NBEAL2: variants seen among roughly 807,000 people sequenced by gnomAD.
The protein encoded by NBEAL2 is neurobeachin-like protein 2.
In NBEAL2, 160 loss-of-function variants were observed where a neutral mutation model predicts 299.8. The ratio of observed to expected loss-of-function variants is 0.53; its 90% confidence interval spans 0.47 to 0.61. NBEAL2 has a LOEUF of 0.61. Ranked by LOEUF, NBEAL2 falls within the 20% of genes least tolerant of loss-of-function variation. The probability of loss-of-function intolerance (pLI) is 0.00; values close to 1 mark genes in which losing one functional copy is unlikely to be tolerated. For missense variants in NBEAL2, 3,112 were observed against 3,649.0 expected (o/e 0.85, Z 3.79); for synonymous variants, 1,493 against 1,542.3 (o/e 0.97, Z 0.75).
rs1407717600 is a variant in NBEAL2 at position 47,004,041 on chromosome 3, G to A, written c.5882-36G>A. Reference sequence around the variant, plus strand: ...TGGCTGAGCTCTGGGTGGGGCTGGGGTGAGTGACTCCCGTACCTGCTGTTC... The same window carrying A: ...TGGCTGAGCTCTGGGTGGGGCTGGGATGAGTGACTCCCGTACCTGCTGTTC... On this transcript the variant is annotated intron_variant, in intron 36 of 53. Coordinates refer to ENST00000450053, the MANE Select transcript of NBEAL2 (RefSeq NM_015175.3). The surrounding 1 kb of genome is among the most constrained non-coding windows in gnomAD (Gnocchi z 5.0). The A allele has an allele frequency of 6.2e-7, 1 of 1,605,978 alleles. No individual in the cohort carries two copies. Among genetic ancestry groups the A allele is most frequent in the African/African-American group, 1.3e-5 (1 of 74,784 alleles).
rs2037259024 is a variant in NBEAL2, at chr3:47,004,328, C to T, written c.6133C>T (p.Pro2045Ser). The T allele has an allele frequency of 6.2e-7, 1 of 1,610,558 alleles. No homozygotes were observed. Among genetic ancestry groups the T allele is most frequent in the African/African-American group, 1.3e-5 (1 of 74,978 alleles). The change falls in exon 37 of 54, where the codon CCC becomes TCC. Residue 2045 changes from proline to serine, a missense_variant. Coordinates refer to ENST00000450053, the MANE Select transcript of NBEAL2 (RefSeq NM_015175.3). The surrounding 1 kb of genome is among the most constrained non-coding windows in gnomAD (Gnocchi z 5.0). ...VYSWLLRLRP[P>S]SQGYLSSRSP... ...CTCGTGGCTCCTGCGCCTACGGCCC[C>T]CCTCTCAAGGCTACCTAAGCAGCCG...
chr3:47,006,839 A>C (rs2037481114), intron 45 of NBEAL2, among the ~76,000 whole-genome samples: 1 of 152,142 alleles, frequency 6.6e-6, no homozygotes, highest in Non-Finnish European at 1.5e-5. Context: ...GTTGAAACTA[A>C]GTGTGATACT....
In NBEAL2 at chr3:47,005,103, A is replaced by G; in HGVS notation, c.6419+7A>G. 5.0e-6 allele frequency: 8 copies of G among 1,613,644 alleles called. No homozygotes were observed. Among genetic ancestry groups the G allele is most frequent in the Non-Finnish European group, 6.8e-6 (8 of 1,179,816 alleles). On this transcript the variant is annotated splice_region_variant and intron_variant, in intron 39 of 53. Transcript: ENST00000450053. ...CCCAGCTCGTGAGGGAGAAGTGAGC[A>G]TGTGGGCAGGGCTGGGCTCAGCGGG...
rs749962173 is a variant in NBEAL2, at chr3:46,999,711, G to A, written c.3785G>A (p.Arg1262His). Residue 1262 changes from arginine to histidine, a missense_variant, in exon 26 of 54, where the codon CGC (arginine) becomes CAC (histidine). Coordinates refer to ENST00000450053, the MANE Select transcript of NBEAL2 (RefSeq NM_015175.3). ...CTCAGCGTTCGCCTAGACATCTGTC[G>A]CCAGGTGAGCATGAGAGGTAAAAGC... is the stretch of plus-strand genomic sequence containing the variant. ...ADLSVRLDIC[R>H]QLFHLIYGQP... 6.0e-5 allele frequency: 96 copies of A among 1,612,888 alleles called. No individual in the cohort carries two copies. Among genetic ancestry groups the A allele is most frequent in the Non-Finnish European group, 7.5e-5 (88 of 1,179,634 alleles).
chr3:46,997,766 G>A (rs1435695251), intron 20 of NBEAL2, 72 bp downstream of exon 20: 31 of 1,422,660 alleles, frequency 2.2e-5, no homozygotes, highest in Admixed American at 2.9e-5. Context: ...ACTGAGTGGG[G>A]AACCCTGTCA....
At position 46,999,073 on chromosome 3, in the gene NBEAL2, G is replaced by A; in HGVS notation, c.3499G>A (p.Val1167Met). ...CCTCGAAGTGCTACTGGCCCTGCTA[G>A]TGCGGCCAGGGTCACTGCCCCTGCT... ...GNLEVLLALL[V>M]RPGSLPLLPD... The change falls in exon 24 of 54, where the codon GTG becomes ATG. Residue 1167 changes from valine to methionine, a missense_variant. Transcript: ENST00000450053. 6.3e-7 allele frequency: 1 copy of A among 1,591,376 alleles called. No homozygotes were observed. The highest frequency in any genetic ancestry group is 1.3e-5 in the African/African-American group (1 of 74,428).
intron 6 of NBEAL2, among the ~76,000 whole-genome samples, chr3:46,990,343 C>T (rs1268668557): frequency 6.6e-6 from 1 of 152,202 alleles, no homozygotes; most frequent in African/African-American, 2.4e-5. Context: ...TTCATTTCTC[C>T]TCCCATCATA....
rs749970686 is a variant in NBEAL2 at position 47,003,653 on chromosome 3, CAG to C, written c.5721-162_5721-161del. Among the ~76,000 whole-genome samples the C allele has an allele frequency of 2.0e-5, 3 of 152,202 alleles. No homozygotes were observed. Among genetic ancestry groups the C allele is most frequent in the African/African-American group, 7.2e-5 (3 of 41,518 alleles). ...AGCCCAGTGGGTGGCAGGTGGGGGA[CAG>C]GGGCTGGGACCAGTAGGTTCTGGAC... On this transcript the variant is annotated intron_variant, in intron 35 of 53. Coordinates refer to ENST00000450053, the MANE Select transcript of NBEAL2 (RefSeq NM_015175.3). The surrounding 1 kb of genome is among the most constrained non-coding windows in gnomAD (Gnocchi z 7.0).
At chr3:46,998,442 C>T (rs777588018) in intron 21 of NBEAL2, 21 bp from the exon 22 acceptor site, 1 of 1,601,566 alleles carries the variant, frequency 6.2e-7, no homozygotes, top group African/African-American at 1.3e-5. Flanking sequence ...TGGCCTGAGC[C>T]CTCTGCTCAT....
At chr3:46,992,735 G>A (rs957819645) in intron 10 of NBEAL2, among the ~76,000 whole-genome samples, 180 bp downstream of exon 10, 1 of 152,240 alleles carries the variant, frequency 6.6e-6, no homozygotes, top group Non-Finnish European at 1.5e-5. Flanking sequence ...GAACAGGACA[G>A]AAGGTGGTCT....
chr3:46,992,528 G>A lies in NBEAL2; in HGVS notation c.1086G>A (p.Arg362=), dbSNP rs774717461. Residue 362 remains arginine (R), a synonymous_variant, in exon 10 of 54, where the codon CGG becomes CGA. Coordinates refer to ENST00000450053, the MANE Select transcript of NBEAL2 (RefSeq NM_015175.3). ...AGGGGGACAGTGACCTGGCTACCCG[G>A]TTACTGACTGAGCCCGATGTCCAAA... ...PPEGDSDLAT[R]LLTEPDVQKV... 4.4e-6 allele frequency: 7 copies of A among 1,602,404 alleles called. No individual in the cohort carries two copies. Among genetic ancestry groups the A allele is most frequent in the Non-Finnish European group, 5.1e-6 (6 of 1,174,930 alleles).
chr3:47,000,382 C>A lies in NBEAL2; in HGVS notation c.4283C>A (p.Thr1428Asn), dbSNP rs1447696737. 1 of 1,577,684 alleles carries A rather than the reference C, an allele frequency of 6.3e-7. No homozygotes were observed. The highest frequency in any genetic ancestry group is 8.6e-7 in the Non-Finnish European group (1 of 1,158,888). ...LPEPTISGDD[T>N]SNTSNPQQTS... ...GAGCCCACCATTAGCGGGGATGATACCTCGAACACCAGCAACCCACAGGTG... is the reference window on the plus strand; with the variant it reads ...GAGCCCACCATTAGCGGGGATGATAACTCGAACACCAGCAACCCACAGGTG... Residue 1428 changes from threonine (T) to asparagine (N), a missense_variant, in exon 27 of 54, where the codon ACC (threonine) becomes AAC (asparagine). Physicochemically the swap from Thr to Asn is moderately conservative, Grantham distance 65. Transcript: ENST00000450053. The surrounding 1 kb of genome is among the most constrained non-coding windows in gnomAD (Gnocchi z 4.5).
In NBEAL2 at chr3:47,002,074, G is replaced by A; in HGVS notation, c.4937G>A (p.Gly1646Glu). Residue 1646 changes from glycine (G) to glutamate (E), a missense_variant, in exon 31 of 54, where the codon GGG becomes GAG. Gly to Glu is a moderately conservative substitution (Grantham distance 98, BLOSUM62 -2). This residue lies in a region of NBEAL2 where 2,243 missense variants were observed against 2,538.1 expected (regional missense o/e 0.88). Coordinates refer to ENST00000450053, the MANE Select transcript of NBEAL2 (RefSeq NM_015175.3). The part of the protein sequence containing the change: ...SSLESATDEA[G>E]SPLAAAAAAA... ...TTGGAGTCAGCCACTGATGAGGCAG[G>A]GTCCCCACTTGCAGCTGCAGCAGCT... 2 of 1,552,268 alleles carry A rather than the reference G, an allele frequency of 1.3e-6. No homozygotes were observed. The highest frequency in any genetic ancestry group is 1.7e-6 in the Non-Finnish European group (2 of 1,147,958).
intron 45 of NBEAL2, 44 bp from the exon 46 acceptor site, chr3:47,007,022 C>T: frequency 6.7e-7 from 1 of 1,483,664 alleles, no homozygotes; most frequent in Admixed American, 1.9e-5. Context: ...ATAGTGTAAT[C>T]TGATAGTACT....
chr3:46,995,084 A>G lies in NBEAL2; in HGVS notation c.1349A>G (p.Gln450Arg). The G allele has an allele frequency of 6.4e-7, 1 of 1,564,870 alleles. No individual in the cohort carries two copies. Among genetic ancestry groups the G allele is most frequent in the Non-Finnish European group, 8.7e-7 (1 of 1,153,042 alleles). Residue 450 changes from glutamine (Q) to arginine (R), a missense_variant, in exon 13 of 54, where the codon CAG becomes CGG. Gln to Arg is a conservative substitution (Grantham distance 43). Transcript: ENST00000450053. The stretch of plus-strand genomic sequence containing the variant: ...CCACCTCCACCAATCCGCAACGAGC[A>G]GCCGGTACTGGTGCTGGCGCAGTGG... ...MCPPPPIRNE[Q>R]PVLVLAQWLP...
chr3:46,990,422 C>A (rs1445154353), intron 6 of NBEAL2, among the ~76,000 whole-genome samples: 1 of 152,224 alleles, frequency 6.6e-6, no homozygotes, highest in African/African-American at 2.4e-5. Context: ...TCTCCACTTG[C>A]CCTGCTGCTC....
intron 32 of NBEAL2, 39 bp downstream of exon 32, chr3:47,002,559 A>G: frequency 6.2e-7 from 1 of 1,610,744 alleles, no homozygotes; most frequent in Non-Finnish European, 8.5e-7. Flanking sequence ...ACTGCTCCAC[A>G]CATGCACCCA....
intron 47 of NBEAL2, 39 bp downstream of exon 47, chr3:47,007,389 C>A: frequency 1.3e-6 from 2 of 1,567,154 alleles, no homozygotes; most frequent in Non-Finnish European, 1.7e-6. Flanking sequence ...GCTACAAATG[C>A]CCTGCACCCG....
chr3:47,007,979 C>A, intron 49 of NBEAL2, 69 bp downstream of exon 49: 1 of 1,578,998 alleles, frequency 6.3e-7, no homozygotes, highest in Middle Eastern at 1.7e-4. Context: ...CCCTCAGTGG[C>A]CTTCCAGTCC....
Sources: allele counts gnomAD v4.1 joint callset (sites outside exome capture counted in the v4.1 genomes callset), GRCh38; gene constraint gnomAD v4.1.1; regional missense constraint gnomAD v4.1.1; non-coding constraint Gnocchi (gnomAD v3.1); transcripts MANE v1.5; gene names NCBI Gene and HGNC (gene_info 2026-07-23, HGNC 2026-07-21).